Variants in NAV1 observed in about 807,000 individuals in gnomAD.
NAV1 encodes the protein neuron navigator 1.
In NAV1, 18 loss-of-function variants were observed where a neutral mutation model predicts 175.2. That is an observed-to-expected ratio of 0.10 (90% confidence interval 0.07 to 0.15). The LOEUF (loss-of-function observed/expected upper bound fraction) is 0.15. NAV1 is among the 10% of genes least tolerant of loss of function. The pLI, the probability that NAV1 is intolerant of heterozygous loss-of-function variation, is 1.00. For missense variants in NAV1, 1,731 were observed against 2,436.6 expected (o/e 0.71, Z 6.10); for synonymous variants, 897 against 978.7 (o/e 0.92, Z 1.56).
rs530812189 is a variant in NAV1 at position 201,809,425 on chromosome 1, C to A, written c.4306-17C>A. The A allele has an allele frequency of 1.9e-6, 3 of 1,613,444 alleles. No homozygotes were observed. The African/African-American group carries it at 4.0e-5, about 22-fold the overall frequency. Reference sequence around the variant, plus strand: ...CTGCAGTGAAGCTCAAGAGCTTTTCCTTCCTTGGCCTTACAGGACTTGAAG... The same window carrying A: ...CTGCAGTGAAGCTCAAGAGCTTTTCATTCCTTGGCCTTACAGGACTTGAAG... On this transcript the variant is annotated splice_polypyrimidine_tract_variant and intron_variant, in intron 21 of 29. Transcript: ENST00000367296.
intron 2 of NAV1, among the ~76,000 whole-genome samples, chr1:201,642,197 CT>C (rs1558031323): frequency 7.9e-4 from 105 of 133,192 alleles, no homozygotes; most frequent in African/African-American, 2.8e-3. Context: ...TCCCTCCTTT[CT>C]TCCTTTCTTC....
Position 201,811,874 on chromosome 1 carries a change from G to A in NAV1, c.4953-29G>A, listed in dbSNP as rs1461657915. ...AAAGCAAGTGTGAAGGCAAGTCTAAGTGAATCTTTTTCCCCTTTCTCCCTA... is the reference window on the plus strand; with the variant it reads ...AAAGCAAGTGTGAAGGCAAGTCTAAATGAATCTTTTTCCCCTTTCTCCCTA... On this transcript the variant is annotated intron_variant, in intron 25 of 29. Coordinates refer to ENST00000367296, the Ensembl canonical transcript of NAV1. 5.0e-6 allele frequency: 8 copies of A among 1,613,690 alleles called. No individual in the cohort carries two copies. In the Admixed American group the frequency reaches 1.0e-4, roughly 20 times the overall value.
intron 3 of NAV1, among the ~76,000 whole-genome samples, chr1:201,760,615 GT>G (rs761727516): frequency 6.6e-6 from 1 of 152,322 alleles, no homozygotes; most frequent in Non-Finnish European, 1.5e-5. Flanking sequence ...TGAGAGAAAT[GT>G]TTGCATTCTG....
chr1:201,628,698 G>C (rs1029607296), intron 1 of NAV1, among the ~76,000 whole-genome samples: 3 of 152,158 alleles, frequency 2.0e-5, no homozygotes, highest in Non-Finnish European at 4.4e-5. Flanking sequence ...CCAGAGCCTA[G>C]GGTAATTGCC....
chr1:201,733,561 G>A (rs1672959969), intron 3 of NAV1: 1 of 152,080 alleles, frequency 6.6e-6, no homozygotes, highest in African/African-American at 2.4e-5. Flanking sequence ...CAAGCCAACA[G>A]ATAAACATGC....
chr1:201,731,615 T>A (rs1672864477), intron 3 of NAV1, among the ~76,000 whole-genome samples: 1 of 152,194 alleles, frequency 6.6e-6, no homozygotes, highest in Non-Finnish European at 1.5e-5. Flanking sequence ...CCTCTTTGAC[T>A]GCTCACCCTC....
intron 1 of NAV1, among the ~76,000 whole-genome samples, chr1:201,653,112 A>G (rs939939659): frequency 1.3e-5 from 2 of 152,230 alleles, no homozygotes; most frequent in Non-Finnish European, 2.9e-5. Context: ...TCATGTGATC[A>G]TAATGCCAAA....
chr1:201,807,900 C>T lies in NAV1; in HGVS notation c.3649-53C>T. ...CAGAAGTCTCAATCCAGTCCTCCCCCATCCCAGTAGTGGAGTCCTAATGTC... is the reference window on the plus strand; with the variant it reads ...CAGAAGTCTCAATCCAGTCCTCCCCTATCCCAGTAGTGGAGTCCTAATGTC... On this transcript the variant is annotated intron_variant, in intron 17 of 29. Transcript: ENST00000367296. This position sits in a 1 kb window ranked among gnomAD's most constrained non-coding sequence, Gnocchi z 5.4. The T allele has an allele frequency of 6.4e-7, 1 of 1,565,322 alleles. No individual in the cohort carries two copies. The highest frequency in any genetic ancestry group is 8.8e-7 in the Non-Finnish European group (1 of 1,138,426).
intron 1 of NAV1, among the ~76,000 whole-genome samples, chr1:201,585,960 G>A (rs545166955): frequency 1.3e-5 from 2 of 152,222 alleles, no homozygotes; most frequent in East Asian, 1.9e-4. Context: ...GCAATTCCAC[G>A]TCTCAGTAGA....
At chr1:201,610,209 T>C (rs777338182) in intron 2 of NAV1, among the ~76,000 whole-genome samples, 4 of 152,202 alleles carry the variant, frequency 2.6e-5, no homozygotes, top group African/African-American at 4.8e-5. Flanking sequence ...TTTTAAACCA[T>C]TGATTTTCAT....
At chr1:201,586,601 C>T (rs1456036175) in intron 1 of NAV1, among the ~76,000 whole-genome samples, 1 of 151,960 alleles carries the variant, frequency 6.6e-6, no homozygotes, top group East Asian at 1.9e-4. Flanking sequence ...TCCCTGGGTC[C>T]TCACACAGCC....
rs571475806 is a variant in NAV1, at chr1:201,808,004, G to C, written c.3700G>C (p.Ala1234Pro). ...CAGTATAAAAAAGGGGCCCAAGTCA[G>C]CTTCCTCATACTCGGATATAGAGGA... The change falls in exon 18 of 30, where the codon GCT becomes CCT. Residue 1234 changes from alanine (A) to proline (P), a missense_variant. By Grantham distance (27) the Ala-to-Pro change is conservative. Around this residue, in one of 13 missense-constraint regions of NAV1, gnomAD observed 146 missense variants for 176.8 expected, o/e 0.83. Coordinates refer to ENST00000367296, the Ensembl canonical transcript of NAV1. The surrounding 1 kb of genome is among the most constrained non-coding windows in gnomAD (Gnocchi z 5.5). The C allele has an allele frequency of 2.5e-6, 4 of 1,614,036 alleles. No individual in the cohort carries two copies. The highest frequency in any genetic ancestry group is 3.4e-6 in the Non-Finnish European group (4 of 1,180,042).
intron 2 of NAV1, among the ~76,000 whole-genome samples, chr1:201,601,875 G>A (rs949012507): frequency 6.6e-6 from 1 of 152,164 alleles, no homozygotes; most frequent in Admixed American, 6.6e-5. Context: ...CCCTAGCCCA[G>A]CATCCCTTTC....
At chr1:201,613,678 C>A (rs919079973) in intron 2 of NAV1, among the ~76,000 whole-genome samples, 1 of 152,094 alleles carries the variant, frequency 6.6e-6, no homozygotes, top group African/African-American at 2.4e-5. Context: ...GCCTGGCCAA[C>A]ATGGAGAAAC....
intron 13 of NAV1, chr1:201,792,313 GC>G (rs1297927222): frequency 1.3e-5 from 2 of 152,030 alleles, no homozygotes; most frequent in Non-Finnish European, 2.9e-5. Flanking sequence ...GAACTTCCTA[GC>G]CACTAAAGCT....
chr1:201,623,556 C>A, exon 1 of NAV1: 1 of 986,578 alleles, frequency 1.0e-6, no homozygotes, highest in Non-Finnish European at 1.2e-6. Context: ...TCTCCTCAGT[C>A]CATCAGCAGA....
intron 2 of NAV1, among the ~76,000 whole-genome samples, chr1:201,642,521 CTT>C (rs145876654): frequency 4.1e-5 from 4 of 97,798 alleles, no homozygotes; most frequent in African/African-American, 2.6e-4. Context: ...CTCTTTCTTT[CTT>C]TTTTTCTTTC....
At chr1:201,570,858 A>C (rs915606316) in intron 1 of NAV1, among the ~76,000 whole-genome samples, 1 of 152,232 alleles carries the variant, frequency 6.6e-6, no homozygotes, top group African/African-American at 2.4e-5. Flanking sequence ...CAGGCCTGAC[A>C]ACATGGCCTA....
At chr1:201,642,975 CGTGTTA>C (rs1421672928) in intron 2 of NAV1, among the ~76,000 whole-genome samples, 1 of 150,882 alleles carries the variant, frequency 6.6e-6, no homozygotes, top group African/African-American at 2.5e-5. Flanking sequence ...GGGGTTTCAC[CGTGTTA>C]GCCAGGATGG....
Sources: gnomAD v4.1 joint callset for allele counts (sites outside exome capture counted in the v4.1 genomes callset) on GRCh38, gnomAD v4.1.1 for gene constraint, gnomAD v4.1.1 regional missense constraint, Gnocchi (gnomAD v3.1) non-coding constraint, MANE v1.5 for transcripts, NCBI Gene and HGNC (gene_info 2026-07-23, HGNC 2026-07-21) for gene names.